The following PHIP variants were observed in gnomAD, a reference collection of about 807,000 sequenced individuals.
The protein encoded by PHIP is PHIP subunit of CUL4-Ring ligase complex.
PHIP carries 54 observed loss-of-function variants against 236.8 expected under a neutral mutation model. The observed-to-expected ratio is 0.23, with a 90% CI of 0.18 to 0.29. The LOEUF is 0.29. PHIP is among the 10% of genes least tolerant of loss of function. The probability of loss-of-function intolerance (pLI) is 1.00; values close to 1 mark genes in which losing one functional copy is unlikely to be tolerated. For missense variants in PHIP, 1,370 were observed against 2,190.8 expected, an observed-to-expected ratio of 0.63 and a Z score of 7.48; for synonymous variants, 756 against 718.9, an observed-to-expected ratio of 1.05 and a Z score of -0.83.
Position 78,954,908 on chromosome 6 carries a change from G to A in PHIP, c.3959C>T (p.Ala1320Val). 4 of 1,585,000 alleles carry A rather than the reference G, an allele frequency of 2.5e-6. No homozygotes were observed. The highest frequency in any genetic ancestry group is 3.4e-6 in the Non-Finnish European group (4 of 1,166,578). The part of the protein sequence containing the change: ...RNRAQSYDIQ[A>V]WKKQCEELLN... ...CAATTCTTCACACTGTTTCTTCCATGCTTGAATATCGTAAGACTGGGCTCT... is the reference window on the plus strand; with the variant it reads ...CAATTCTTCACACTGTTTCTTCCATACTTGAATATCGTAAGACTGGGCTCT... Residue 1320 changes from alanine (A) to valine (V), a missense_variant, in exon 35 of 40, where the codon GCA (alanine) becomes GTA (valine). This residue lies in a region of PHIP where 125 missense variants were observed against 235.1 expected (regional missense o/e 0.53). Transcript: ENST00000275034.
At chr6:78,949,529 A>C (rs1774023777) in intron 35 of PHIP, among the ~76,000 whole-genome samples, 1 of 151,908 alleles carries the variant, frequency 6.6e-6, no homozygotes, top group Non-Finnish European at 1.5e-5. Context: ...ATAAGCTGTT[A>C]ACTGTGACCT....
At chr6:78,986,429 C>T (rs1199942917) in intron 21 of PHIP, among the ~76,000 whole-genome samples, 1 of 152,196 alleles carries the variant, frequency 6.6e-6, no homozygotes, top group Non-Finnish European at 1.5e-5. Flanking sequence ...ATGTTACAAA[C>T]TATTCTAAGC....
intron 15 of PHIP, among the ~76,000 whole-genome samples, chr6:79,006,347 T>G (rs1247642778): frequency 6.6e-6 from 1 of 152,016 alleles, no homozygotes; most frequent in Non-Finnish European, 1.5e-5. Flanking sequence ...GGAAAATATT[T>G]TACTTTCTCT....
At chr6:79,072,200 A>C (rs1179778888) in intron 4 of PHIP, among the ~76,000 whole-genome samples, 1 of 152,204 alleles carries the variant, frequency 6.6e-6, no homozygotes, top group African/African-American at 2.4e-5. Flanking sequence ...CCATAGCCAA[A>C]TTCTCTTCAT....
intron 39 of PHIP, among the ~76,000 whole-genome samples, chr6:78,943,200 T>C (rs1028363003): frequency 3.3e-5 from 5 of 152,206 alleles, no homozygotes; most frequent in Non-Finnish European, 7.4e-5. Flanking sequence ...GCTTGTATTA[T>C]ATTCCACTAG....
At chr6:79,063,755 G>A (rs1773497107) in intron 4 of PHIP, among the ~76,000 whole-genome samples, 1 of 152,090 alleles carries the variant, frequency 6.6e-6, no homozygotes, top group African/African-American at 2.4e-5. Flanking sequence ...GAAAGCCTTA[G>A]AACATGTCTT....
intron 6 of PHIP, among the ~76,000 whole-genome samples, chr6:79,056,370 G>C (rs1338138977): frequency 1.3e-5 from 2 of 152,154 alleles, no homozygotes; most frequent in Non-Finnish European, 1.5e-5. Context: ...TACTAAGCTA[G>C]AGCACAAAGT....
chr6:79,033,062 C>CT lies in PHIP; in HGVS notation c.601-6899dup, dbSNP rs956523810. 1.0e-3 allele frequency among the ~76,000 whole-genome samples: 147 copies of CT among 147,328 alleles called. 1 individual carries two copies. Among genetic ancestry groups the CT allele is most frequent in the South Asian group, 8.2e-3 (38 of 4,650 alleles). Reference sequence around the variant, plus strand: ...TGAACAGTAATATCTTGAAAGGAATCTTTTTTTTTTTCTGAGCAGTAGGTA... The same window carrying CT: ...TGAACAGTAATATCTTGAAAGGAATCTTTTTTTTTTTTCTGAGCAGTAGGTA... On this transcript the variant is annotated intron_variant, in intron 7 of 39. Transcript: ENST00000275034.
chr6:79,076,718 A>G (rs1774179400), intron 4 of PHIP, among the ~76,000 whole-genome samples: 1 of 152,112 alleles, frequency 6.6e-6, no homozygotes. Context: ...TCCAATAATA[A>G]TTTTTAATTA....
rs762404338 is a variant in PHIP, at chr6:79,015,064, G to A, written c.1524+18C>T. Reference sequence around the variant, plus strand: ...CCCAAATCTTTAGTAGGTATAAAATGAAGAGAATGATAATTACCATATTGA... The same window carrying A: ...CCCAAATCTTTAGTAGGTATAAAATAAAGAGAATGATAATTACCATATTGA... On this transcript the variant is annotated intron_variant, in intron 15 of 39. Coordinates refer to ENST00000275034, the MANE Select transcript of PHIP (RefSeq NM_017934.7). 13 of 1,600,692 alleles carry A rather than the reference G, an allele frequency of 8.1e-6. No homozygotes were observed. Among genetic ancestry groups the A allele is most frequent in the Middle Eastern group, 1.7e-4 (1 of 6,040 alleles).
intron 38 of PHIP, chr6:78,945,775 A>G: frequency 3.4e-6 from 2 of 589,544 alleles, no homozygotes; most frequent in Non-Finnish European, 3.0e-6. Context: ...AAATTCAGGT[A>G]GTTTAGATCA....
In PHIP at chr6:79,060,657, A is replaced by G; in HGVS notation, c.340+11T>C. 1.2e-6 allele frequency: 2 copies of G among 1,609,674 alleles called. No individual in the cohort carries two copies. The highest frequency in any genetic ancestry group is 1.7e-6 in the Non-Finnish European group (2 of 1,178,048). ...AAATAATGTCTAAATCCTATGAGAAAATTTTCATACTTTTATTTGTGCGTA... is the reference window on the plus strand; with the variant it reads ...AAATAATGTCTAAATCCTATGAGAAGATTTTCATACTTTTATTTGTGCGTA... On this transcript the variant is annotated intron_variant, in intron 5 of 39. Coordinates refer to ENST00000275034, the MANE Select transcript of PHIP (RefSeq NM_017934.7).
chr6:79,063,605 C>T (rs192609097), intron 4 of PHIP, among the ~76,000 whole-genome samples: 4 of 152,052 alleles, frequency 2.6e-5, no homozygotes, highest in Admixed American at 6.5e-5. Flanking sequence ...TTAGTAGAGA[C>T]GGGGTTTTGC....
chr6:79,019,345 G>T (rs909819101), intron 9 of PHIP, among the ~76,000 whole-genome samples, 186 bp from the exon 10 acceptor site: 2 of 151,982 alleles, frequency 1.3e-5, no homozygotes, highest in African/African-American at 4.8e-5. Context: ...TCTAGATATA[G>T]ATTTTGTAGG....
At chr6:78,958,282 T>G in intron 32 of PHIP, 193 bp downstream of exon 32, 1 of 420,474 alleles carries the variant, frequency 2.4e-6, no homozygotes, top group Non-Finnish European at 4.2e-6. Flanking sequence ...TATTAGCCAA[T>G]GAACTGTTTC....
intron 31 of PHIP, 118 bp from the exon 32 acceptor site, chr6:78,958,718 T>C (rs1407953325): frequency 5.4e-5 from 37 of 682,546 alleles, no homozygotes; most frequent in South Asian, 2.1e-4. Context: ...GTAAAAACCA[T>C]TGGTCTTATA....
At chr6:79,065,611 T>C (rs1422765411) in intron 4 of PHIP, among the ~76,000 whole-genome samples, 1 of 152,180 alleles carries the variant, frequency 6.6e-6, no homozygotes, top group Non-Finnish European at 1.5e-5. Flanking sequence ...AATCCAAGTC[T>C]GTTTTCTTGG....
rs1772585485 is a variant in PHIP at position 79,047,987 on chromosome 6, T to C, written c.440-4984A>G. Among the ~76,000 whole-genome samples the C allele has an allele frequency of 2.6e-5, 4 of 151,724 alleles. 1 individual carries two copies. Among genetic ancestry groups the C allele is most frequent in the Admixed American group, 2.0e-4 (3 of 15,206 alleles). ...TTTGATTACATTATTGTATATATGG[T>C]TATATATACATATGTATTTTTTTTT... On this transcript the variant is annotated intron_variant, in intron 6 of 39. Transcript: ENST00000275034.
intron 20 of PHIP, among the ~76,000 whole-genome samples, chr6:78,989,839 G>A (rs773559985): frequency 1.4e-4 from 22 of 152,042 alleles, no homozygotes; most frequent in Non-Finnish European, 2.2e-4. Context: ...AAAAAGGTAC[G>A]CTTTCCACTT....
Sources: allele counts gnomAD v4.1 joint callset (sites outside exome capture counted in the v4.1 genomes callset), GRCh38; gene constraint gnomAD v4.1.1; regional missense constraint gnomAD v4.1.1; transcripts MANE v1.5; gene names NCBI Gene and HGNC (gene_info 2026-07-23, HGNC 2026-07-21).